DOP1A: variants seen among roughly 807,000 people sequenced by gnomAD.
The protein encoded by DOP1A is DOP1 leucine zipper like protein A.
Under a neutral mutation model 267.6 loss-of-function variants are expected in DOP1A, and 90 were observed. That is an observed-to-expected ratio of 0.34 (90% CI 0.28 to 0.40). The LOEUF (loss-of-function observed/expected upper bound fraction) is 0.40, where lower values mean the gene tolerates loss of function less well. Ranked by LOEUF, DOP1A falls within the 10% of genes least tolerant of loss-of-function variation. The pLI is 1.00. For synonymous variants in DOP1A, 932 were observed against 999.1 expected (o/e 0.93, Z 1.27); for missense variants, 2,437 against 2,900.4 (o/e 0.84, Z 3.67).
chr6:83,073,024 GT>G, intron 1 of DOP1A: 1 of 351,192 alleles, frequency 2.8e-6, no homozygotes, highest in Non-Finnish European at 5.7e-6. Flanking sequence ...AGAAATAAGT[GT>G]TTGAATGACT....
At chr6:83,152,141 C>G in intron 29 of DOP1A, 114 bp downstream of exon 29, 2 of 1,248,424 alleles carry the variant, frequency 1.6e-6, no homozygotes, top group East Asian at 2.5e-5. Flanking sequence ...TCATGTCTAA[C>G]AAGTAACTTT....
chr6:83,070,830 C>T (rs974101242), intron 1 of DOP1A, among the ~76,000 whole-genome samples: 1 of 152,024 alleles, frequency 6.6e-6, no homozygotes, highest in Non-Finnish European at 1.5e-5. Context: ...GTAATATTTC[C>T]TCAACTTCAG....
At chr6:83,073,599 T>A (rs966567492) in intron 1 of DOP1A, among the ~76,000 whole-genome samples, 1 of 152,202 alleles carries the variant, frequency 6.6e-6, no homozygotes, top group Non-Finnish European at 1.5e-5. Context: ...GGGAATAAAC[T>A]GTTGTTAAGT....
chr6:83,138,132 C>A lies in DOP1A; in HGVS notation c.4090C>A (p.Pro1364Thr). ...AAAATCTCCCAATTTCAACATTCATCCTCTCTATCAACATGTGCTCCTGTA... is the reference window on the plus strand; with the variant it reads ...AAAATCTCCCAATTTCAACATTCATACTCTCTATCAACATGTGCTCCTGTA... The part of the protein sequence containing the change: ...SRKSPNFNIH[P>T]LYQHVLLYLQ... The change falls in exon 21 of 39, where the codon CCT becomes ACT. Residue 1364 changes from proline to threonine, a missense_variant. Coordinates refer to ENST00000349129, the MANE Select transcript of DOP1A (RefSeq NM_015018.4). 1 of 1,613,892 alleles carries A rather than the reference C, an allele frequency of 6.2e-7. No homozygotes were observed. The highest frequency in any genetic ancestry group is 8.5e-7 in the Non-Finnish European group (1 of 1,179,886).
Position 83,135,937 on chromosome 6 carries a change from T to C in DOP1A, c.3130+59T>C, listed in dbSNP as rs1373682374. 4 of 1,555,906 alleles carry C rather than the reference T, an allele frequency of 2.6e-6. No homozygotes were observed. In the African/African-American group the frequency reaches 5.5e-5, roughly 21 times the overall value. ...AGAATTATTAAAATAAAGTGATACA[T>C]GAATACAACAGTAATTGTTGAAAGA... is the stretch of plus-strand genomic sequence containing the variant. On this transcript the variant is annotated intron_variant, in intron 20 of 38. Transcript: ENST00000349129.
intron 2 of DOP1A, 48 bp from the exon 3 acceptor site, chr6:83,096,877 C>T (rs1771603965): frequency 1.8e-5 from 25 of 1,367,946 alleles, no homozygotes; most frequent in Non-Finnish European, 2.2e-5. Flanking sequence ...CATATGAACC[C>T]GTTTTAATAC....
chr6:83,168,204 G>C lies in DOP1A; in HGVS notation c.*37G>C, dbSNP rs1267072465. 2 of 1,575,676 alleles carry C rather than the reference G, an allele frequency of 1.3e-6. No homozygotes were observed. The highest frequency in any genetic ancestry group is 1.7e-6 in the Non-Finnish European group (2 of 1,164,836). On this transcript the variant is annotated 3_prime_UTR_variant, in exon 39 of 39. Coordinates refer to ENST00000349129, the MANE Select transcript of DOP1A (RefSeq NM_015018.4). The stretch of plus-strand genomic sequence containing the variant: ...GGTTCCATTTAGCTTACATGTAAAT[G>C]TAATTATTTAAAACACACACACTGC...
At chr6:83,162,705 T>C (rs1374368303) in intron 37 of DOP1A, 85 bp from the exon 38 acceptor site, 1 of 1,431,154 alleles carries the variant, frequency 7.0e-7, no homozygotes, top group Non-Finnish European at 9.3e-7. Flanking sequence ...AGTGGGGTCA[T>C]GATCTTTCTA....
At chr6:83,117,305 C>G (rs1409322613) in intron 7 of DOP1A, among the ~76,000 whole-genome samples, 2 of 151,894 alleles carry the variant, frequency 1.3e-5, no homozygotes, top group African/African-American at 2.4e-5. Flanking sequence ...CGCCAACCAC[C>G]GTGCCCAGCT....
intron 19 of DOP1A, 133 bp from the exon 20 acceptor site, chr6:83,135,486 C>A: frequency 9.9e-7 from 1 of 1,005,270 alleles, no homozygotes; most frequent in Non-Finnish European, 1.4e-6. Flanking sequence ...ATACTATGAT[C>A]AAAATTTATC....
At chr6:83,068,173 T>G (rs1316052461) in intron 1 of DOP1A, among the ~76,000 whole-genome samples, 1 of 152,162 alleles carries the variant, frequency 6.6e-6, no homozygotes, top group African/African-American at 2.4e-5. Context: ...CGGAGTACCC[T>G]CTTTGTTGAA....
chr6:83,119,660 T>G, intron 8 of DOP1A, 88 bp from the exon 9 acceptor site: 1 of 987,210 alleles, frequency 1.0e-6, no homozygotes, highest in Non-Finnish European at 1.6e-6. Context: ...TGTTTAGTGC[T>G]GTTCTGAGAT....
rs1358559634 is a variant in DOP1A, at chr6:83,167,915, C to T, written c.7146C>T (p.His2382=). Residue 2382 remains histidine, a synonymous_variant, in exon 39 of 39, where the codon CAC becomes CAT. Coordinates refer to ENST00000349129, the MANE Select transcript of DOP1A (RefSeq NM_015018.4). ...SGRTLGWEPG[H]LLLTICTVRS... ...GAACATTGGGTTGGGAGCCAGGGCA[C>T]TTGCTGCTCACCATCTGCACCGTGC... 2.5e-6 allele frequency: 4 copies of T among 1,613,872 alleles called. No individual in the cohort carries two copies. The South Asian group carries it at 4.4e-5, about 18-fold the overall frequency.
chr6:83,113,431 T>A lies in DOP1A; in HGVS notation c.780+10T>A, dbSNP rs890752931. ...ATTCCACATGAGTCAGGTAAAATAT[T>A]AACGCCGATGTTATTATAAGGCATT... On this transcript the variant is annotated intron_variant, in intron 7 of 38. Coordinates refer to ENST00000349129, the MANE Select transcript of DOP1A (RefSeq NM_015018.4). The A allele has an allele frequency of 3.1e-6, 5 of 1,605,510 alleles. No individual in the cohort carries two copies. The African/African-American group carries it at 6.7e-5, about 21-fold the overall frequency.
intron 3 of DOP1A, among the ~76,000 whole-genome samples, chr6:83,097,694 G>A (rs1313037121): frequency 1.3e-5 from 2 of 151,892 alleles, no homozygotes; most frequent in African/African-American, 2.4e-5. Flanking sequence ...AACCTCTGGC[G>A]CTTCATTTTG....
intron 12 of DOP1A, 102 bp downstream of exon 12, chr6:83,123,084 A>G (rs1452410592): frequency 1.1e-5 from 14 of 1,243,408 alleles, no homozygotes; most frequent in Non-Finnish European, 1.4e-5. Context: ...TATACATTCT[A>G]TTACTAATAA....
intron 33 of DOP1A, among the ~76,000 whole-genome samples, chr6:83,155,654 GC>G (rs200978578): frequency 0.018 from 2,719 of 152,250 alleles, 49 homozygotes; most frequent in Admixed American, 0.059. Context: ...TAAGCAGATG[GC>G]CTCAAATATT....
chr6:83,099,415 C>T (rs1293606220), intron 3 of DOP1A, among the ~76,000 whole-genome samples: 1 of 152,034 alleles, frequency 6.6e-6, no homozygotes, highest in Middle Eastern at 3.2e-3. Flanking sequence ...TCTAAAAGTA[C>T]AAGTTTGCTT....
chr6:83,167,637 T>C, intron 38 of DOP1A: 1 of 1,254,904 alleles, frequency 8.0e-7, no homozygotes, highest in Non-Finnish European at 1.0e-6. Context: ...CTGCGCATTC[T>C]AGTTGGGAAC....
Sources: allele counts gnomAD v4.1 joint callset (sites outside exome capture counted in the v4.1 genomes callset), GRCh38; gene constraint gnomAD v4.1.1; transcripts MANE v1.5; gene names NCBI Gene and HGNC (gene_info 2026-07-23, HGNC 2026-07-21).